ZEB2: variants seen among roughly 807,000 people sequenced by gnomAD.
The protein encoded by ZEB2 is zinc finger E-box binding homeobox 2.
In ZEB2, 6 loss-of-function variants were observed where a neutral mutation model predicts 99.9. The ratio of observed to expected loss-of-function variants is 0.06; its 90% confidence interval spans 0.03 to 0.12. ZEB2 has a LOEUF of 0.12. Ranked by LOEUF, ZEB2 falls within the 10% of genes least tolerant of loss-of-function variation. The probability of loss-of-function intolerance (pLI) is 1.00; values close to 1 mark genes in which losing one functional copy is unlikely to be tolerated. For synonymous variants in ZEB2, 517 were observed against 542.5 expected, an observed-to-expected ratio of 0.95 and a Z score of 0.65; for missense variants, 969 against 1,502.8, an observed-to-expected ratio of 0.64 and a Z score of 5.87.
chr2:144,503,715 C>A (rs1266247916), intron 2 of ZEB2: 1 of 151,802 alleles, frequency 6.6e-6, no homozygotes, highest in Non-Finnish European at 1.5e-5. Context: ...ACAAGTTTTG[C>A]AATCATAGAA....
chr2:144,385,361 A>AGCT lies in ZEB2; in HGVS notation c.*4089_*4090insAGC, dbSNP rs1703067324. On this transcript the variant is annotated 3_prime_UTR_variant, in exon 10 of 10. Coordinates refer to ENST00000627532, the MANE Select transcript of ZEB2 (RefSeq NM_014795.4). ...AGGGAGCCATAACCTCAGCTGCCCT[A>AGCT]TAAAATCTATAATAAGGTGGTTTTC... The AGCT allele has an allele frequency of 1.3e-5, 2 of 151,374 alleles. No individual in the cohort carries two copies. Among genetic ancestry groups the AGCT allele is most frequent in the South Asian group, 2.1e-4 (1 of 4,832 alleles). The allele number at this position is 151,374 out of a possible 1,614,324, so 9.4% of individuals were successfully genotyped here. A position where few individuals can be genotyped will look rare whatever the true frequency, so the allele number is the denominator to read the frequency against.
At chr2:144,494,192 T>G (rs1704728078) in intron 2 of ZEB2, 1 of 133,024 alleles carries the variant, frequency 7.5e-6, no homozygotes, top group African/African-American at 2.7e-5. Flanking sequence ...TGTCAAAAAC[T>G]CTAATAAAAC....
At chr2:144,484,473 C>T (rs1704565658) in intron 2 of ZEB2, among the ~76,000 whole-genome samples, 1 of 152,012 alleles carries the variant, frequency 6.6e-6, no homozygotes, top group Non-Finnish European at 1.5e-5. Flanking sequence ...AGTCATGATC[C>T]CAGATCTTCA....
At chr2:144,450,777 G>C (rs1409667914) in intron 2 of ZEB2, among the ~76,000 whole-genome samples, 1 of 152,218 alleles carries the variant, frequency 6.6e-6, no homozygotes, top group Non-Finnish European at 1.5e-5. Context: ...CCGGGTTCAA[G>C]CAATTCTCCT....
intron 4 of ZEB2, among the ~76,000 whole-genome samples, chr2:144,422,727 G>A (rs779071876): frequency 6.6e-5 from 10 of 152,206 alleles, no homozygotes; most frequent in Non-Finnish European, 1.2e-4. Context: ...TTGAACCTGG[G>A]AGGGAGAGGT....
chr2:144,504,302 G>GA (rs1239213860), intron 2 of ZEB2: 1 of 152,286 alleles, frequency 6.6e-6, no homozygotes, highest in Non-Finnish European at 1.5e-5. Context: ...AGAATTAGCT[G>GA]AAGGTGTTCT....
intron 2 of ZEB2, among the ~76,000 whole-genome samples, chr2:144,436,556 A>T (rs907296127): frequency 4.3e-4 from 66 of 152,280 alleles, no homozygotes; most frequent in African/African-American, 1.5e-3. Flanking sequence ...TGGTTACAGG[A>T]GCATCTTGGG....
intron 2 of ZEB2, chr2:144,516,192 T>TA (rs1237462076): frequency 2.0e-5 from 3 of 150,916 alleles, no homozygotes; most frequent in African/African-American, 7.4e-5. Flanking sequence ...TCTTTCTTTT[T>TA]AAACTCAGTT....
chr2:144,429,969 A>G lies in ZEB2; in HGVS notation c.131T>C (p.Leu44Pro). 1.9e-6 allele frequency: 3 copies of G among 1,613,902 alleles called. No homozygotes were observed. Among genetic ancestry groups the G allele is most frequent in the Non-Finnish European group, 2.5e-6 (3 of 1,179,896 alleles). Reference protein sequence around the residue: ...TGSETDEEDKLHIAEDDGIAN... With the variant: ...TGSETDEEDKPHIAEDDGIAN... ...AATACCGTCATCCTCAGCAATATGA[A>G]GCTTGTCTTCCTCATCTGTTTCAGA... Residue 44 changes from leucine (L) to proline (P), a missense_variant, in exon 3 of 10, where the codon CTT becomes CCT. Leu to Pro is a moderately conservative substitution (Grantham distance 98). Coordinates refer to ENST00000627532, the MANE Select transcript of ZEB2 (RefSeq NM_014795.4).
chr2:144,514,443 A>G (rs890471314), intron 2 of ZEB2: 3 of 152,186 alleles, frequency 2.0e-5, no homozygotes, highest in Admixed American at 6.5e-5. Context: ...GAATTTCTAT[A>G]TGATTTTGAT....
chr2:144,464,685 GC>G (rs1704247022), intron 2 of ZEB2, among the ~76,000 whole-genome samples: 1 of 152,096 alleles, frequency 6.6e-6, no homozygotes, highest in Admixed American at 6.5e-5. Flanking sequence ...AAATGTGTCA[GC>G]AAAACTCAGT....
At position 144,404,369 on chromosome 2, in the gene ZEB2, T is replaced by G. The variant is rs112431440; in HGVS notation, c.593-239A>C. On this transcript the variant is annotated intron_variant, in intron 5 of 9. Coordinates refer to ENST00000627532, the MANE Select transcript of ZEB2 (RefSeq NM_014795.4). ...TTAATTACTTCAGGTTTTTTTTTTT[T>G]GGGGGGGTGGGGGGGACTTAAACAG... is the stretch of plus-strand genomic sequence containing the variant. Among the ~76,000 whole-genome samples, 28,290 of 62,180 alleles carry G rather than the reference T, an allele frequency of 0.45. 3,596 individuals carry two copies. Among genetic ancestry groups the G allele is most frequent in the African/African-American group, 0.55 (12,434 of 22,474 alleles). 40.8% of individuals were successfully genotyped at this position (62,180 alleles called of 152,430 possible). A position where few individuals can be genotyped will look rare whatever the true frequency, so the allele number is the denominator to read the frequency against.
rs1388201554 is a variant in ZEB2 at position 144,384,604 on chromosome 2, T to C, written c.*4847A>G. On this transcript the variant is annotated 3_prime_UTR_variant, in exon 10 of 10. Transcript: ENST00000627532. The stretch of plus-strand genomic sequence containing the variant: ...GACATTTTTATTTTGGGAAAGGAGG[T>C]CTTTTTTTTTTTTAACATGGATACA... 6.8e-6 allele frequency: 1 copy of C among 146,958 alleles called. No individual in the cohort carries two copies. Among genetic ancestry groups the C allele is most frequent in the Non-Finnish European group, 1.5e-5 (1 of 66,236 alleles). The allele number at this position is 146,958 out of a possible 1,614,324, so 9.1% of individuals were successfully genotyped here.
At chr2:144,441,209 A>AGAGAGAGAGAGAGAGAGAG (rs1553965039) in intron 2 of ZEB2, among the ~76,000 whole-genome samples, 3 of 24,268 alleles carry the variant, frequency 1.2e-4, no homozygotes, top group Non-Finnish European at 1.1e-4. Context: ...GAGAGAGAGA[A>AGAGAGAGAGAGAGAGAGAG]CCTCATGCCT....
intron 2 of ZEB2, chr2:144,450,219 T>C (rs1573760650): frequency 6.6e-6 from 1 of 152,220 alleles, no homozygotes; most frequent in African/African-American, 2.4e-5. Flanking sequence ...TAGAAGAACT[T>C]GTCATAGCTC....
intron 9 of ZEB2, among the ~76,000 whole-genome samples, chr2:144,394,989 CTTTTTTTT>C (rs869207772): frequency 2.3e-5 from 2 of 85,226 alleles, no homozygotes; most frequent in South Asian, 4.4e-4. Context: ...CTTCCCTTCG[CTTTTTTTT>C]TTTTTTTTTT....
rs758287624 is a variant in ZEB2, at chr2:144,399,228, C to A, written c.1959G>T (p.Lys653Asn). 2.5e-6 allele frequency: 4 copies of A among 1,614,046 alleles called. No individual in the cohort carries two copies. In the East Asian group the frequency reaches 8.9e-5, roughly 36 times the overall value. ...ATGCTTTGAGTACAGACATGTGGTC[C>A]TTGTATGGGTTGATGGGGCTTGTCA... is the stretch of plus-strand genomic sequence containing the variant. ...KGMTSPINPY[K>N]DHMSVLKAYY... The change falls in exon 8 of 10, where the codon AAG (lysine) becomes AAT (asparagine). Residue 653 changes from lysine (K) to asparagine (N), a missense_variant. By Grantham distance (94) the Lys-to-Asn change is moderately conservative. Coordinates refer to ENST00000627532, the MANE Select transcript of ZEB2 (RefSeq NM_014795.4). This position sits in a 1 kb window ranked among gnomAD's most constrained non-coding sequence, Gnocchi z 5.6.
intron 4 of ZEB2, among the ~76,000 whole-genome samples, chr2:144,408,927 A>C (rs1201473626): frequency 6.8e-6 from 1 of 146,066 alleles, no homozygotes; most frequent in Non-Finnish European, 1.5e-5. Flanking sequence ...TTCCAGAAAA[A>C]GCATCAAGGC....
At chr2:144,475,398 A>T (rs1704416552) in intron 2 of ZEB2, among the ~76,000 whole-genome samples, 1 of 152,182 alleles carries the variant, frequency 6.6e-6, no homozygotes, top group East Asian at 1.9e-4. Context: ...CGCAACTAAA[A>T]AAGTAATTCC....
Sources: gnomAD v4.1 joint callset for allele counts (sites outside exome capture counted in the v4.1 genomes callset) on GRCh38, gnomAD v4.1.1 for gene constraint, Gnocchi (gnomAD v3.1) non-coding constraint, MANE v1.5 for transcripts, NCBI Gene and HGNC (gene_info 2026-07-23, HGNC 2026-07-21) for gene names.